Variants in KCNT2 observed in about 807,000 individuals in gnomAD.
The protein encoded by KCNT2 is potassium sodium-activated channel subfamily T member 2, also known as potassium channel subfamily T member 2.
In KCNT2, 67 loss-of-function variants were observed where a neutral mutation model predicts 153.8. The ratio of observed to expected loss-of-function variants is 0.44; its 90% CI spans 0.36 to 0.53. The LOEUF (loss-of-function observed/expected upper bound fraction) is 0.53. Ranked by LOEUF, KCNT2 falls within the 20% of genes least tolerant of loss-of-function variation. KCNT2 has a pLI of 0.00. For synonymous variants in KCNT2, 500 were observed against 458.8 expected, an observed-to-expected ratio of 1.09 and a Z score of -1.15; for missense variants, 975 against 1,354.8, an observed-to-expected ratio of 0.72 and a Z score of 4.40.
chr1:196,595,227 G>C (rs1663899122), intron 1 of KCNT2, among the ~76,000 whole-genome samples: 1 of 151,936 alleles, frequency 6.6e-6, no homozygotes, highest in Non-Finnish European at 1.5e-5. Context: ...TTTTGAAATG[G>C]AGAATTGAAA....
rs111748335 is a variant in KCNT2 at position 196,585,027 on chromosome 1, A to C, written c.95+23188T>G. Among the ~76,000 whole-genome samples the C allele has an allele frequency of 1.5e-3, 234 of 152,232 alleles. 2 individuals are homozygous for C. Among genetic ancestry groups the C allele is most frequent in the African/African-American group, 5.4e-3 (226 of 41,548 alleles). On this transcript the variant is annotated intron_variant, in intron 1 of 27. Transcript: ENST00000294725. ...AGAACAAGGACCATTCACAGGCAGA[A>C]GAGGCTTATCATTCAGTATTTGCCA...
chr1:196,322,472 G>C (rs1166657622), intron 19 of KCNT2, among the ~76,000 whole-genome samples: 1 of 151,702 alleles, frequency 6.6e-6, no homozygotes, highest in East Asian at 1.9e-4. Flanking sequence ...AACACAAAAA[G>C]TAACTGATGT....
chr1:196,443,405 C>A (rs1049265795), intron 8 of KCNT2, among the ~76,000 whole-genome samples: 3 of 151,540 alleles, frequency 2.0e-5, no homozygotes, highest in Non-Finnish European at 3.0e-5. Flanking sequence ...TTGCCCTCCA[C>A]AGCCTTGCAG....
intron 13 of KCNT2, among the ~76,000 whole-genome samples, chr1:196,395,219 G>A (rs1670829817): frequency 6.6e-6 from 1 of 151,272 alleles, no homozygotes; most frequent in East Asian, 2.0e-4. Flanking sequence ...GACTCTAAAT[G>A]TTATTTCCAA....
chr1:196,257,463 C>A (rs552642611), intron 26 of KCNT2: 1 of 977,098 alleles, frequency 1.0e-6, no homozygotes, highest in Non-Finnish European at 1.2e-6. Flanking sequence ...TACCATGTTA[C>A]ATATTTATAT....
intron 26 of KCNT2, among the ~76,000 whole-genome samples, chr1:196,248,132 T>C (rs1655618319): frequency 6.6e-6 from 1 of 151,904 alleles, no homozygotes; most frequent in Non-Finnish European, 1.5e-5. Context: ...CAAAAATCTA[T>C]GGGGTACAAT....
At chr1:196,335,424 A>G (rs1005849550) in intron 16 of KCNT2, among the ~76,000 whole-genome samples, 1 of 152,144 alleles carries the variant, frequency 6.6e-6, no homozygotes, top group African/African-American at 2.4e-5. Flanking sequence ...GCTATATGGT[A>G]TAGCCTACTG....
intron 14 of KCNT2, among the ~76,000 whole-genome samples, chr1:196,345,505 T>C (rs977985484): frequency 6.6e-6 from 1 of 152,136 alleles, no homozygotes; most frequent in African/African-American, 2.4e-5. Context: ...GGAGGGATCA[T>C]GTAGGACTTT....
intron 13 of KCNT2, among the ~76,000 whole-genome samples, chr1:196,385,425 C>T (rs1669883460): frequency 6.6e-6 from 1 of 152,034 alleles, no homozygotes; most frequent in Admixed American, 6.6e-5. Flanking sequence ...ACGGAACCAC[C>T]ACTGTGTATG....
intron 8 of KCNT2, among the ~76,000 whole-genome samples, chr1:196,457,747 C>T (rs1000008455): frequency 7.2e-5 from 11 of 151,950 alleles, no homozygotes; most frequent in African/African-American, 2.4e-4. Context: ...GTCAAGGCTT[C>T]TTACCTATCT....
intron 1 of KCNT2, among the ~76,000 whole-genome samples, chr1:196,558,109 A>G (rs1658916622): frequency 6.6e-6 from 1 of 151,420 alleles, no homozygotes; most frequent in Non-Finnish European, 1.5e-5. Context: ...TTGTAAGCCG[A>G]TATTAAGATA....
At chr1:196,434,304 A>C (rs958602352) in intron 8 of KCNT2, among the ~76,000 whole-genome samples, 2 of 152,088 alleles carry the variant, frequency 1.3e-5, no homozygotes, top group African/African-American at 2.4e-5. Flanking sequence ...AAGATAACAT[A>C]TATTTTTAAT....
At chr1:196,531,094 A>G (rs1475606058) in intron 1 of KCNT2, among the ~76,000 whole-genome samples, 1 of 152,108 alleles carries the variant, frequency 6.6e-6, no homozygotes, top group Non-Finnish European at 1.5e-5. Context: ...GTCCTCTAAT[A>G]TTCTCATAAC....
rs563348075 is a variant in KCNT2, at chr1:196,351,205, A to G, written c.1404-8977T>C. Among the ~76,000 whole-genome samples the G allele has an allele frequency of 7.9e-5, 12 of 152,246 alleles. No homozygotes were observed. In the East Asian group the frequency reaches 2.1e-3, roughly 27 times the overall value. On this transcript the variant is annotated intron_variant, in intron 14 of 27. Transcript: ENST00000294725. ...GATGCGGGCTTTTTTTTGGTGCCATATGAACTTTAAAGTAGTTTTTTCCAA... is the reference window on the plus strand; with the variant it reads ...GATGCGGGCTTTTTTTTGGTGCCATGTGAACTTTAAAGTAGTTTTTTCCAA...
chr1:196,386,463 G>C (rs780886355), intron 13 of KCNT2, among the ~76,000 whole-genome samples: 1 of 152,092 alleles, frequency 6.6e-6, no homozygotes, highest in Non-Finnish European at 1.5e-5. Context: ...TGCACAGGAA[G>C]CACTACATGT....
intron 5 of KCNT2, among the ~76,000 whole-genome samples, chr1:196,470,327 T>C (rs926130053): frequency 2.0e-5 from 3 of 152,158 alleles, no homozygotes; most frequent in African/African-American, 7.2e-5. Flanking sequence ...AAAAAAAGGA[T>C]GACTGGATAA....
chr1:196,352,739 T>C (rs1040158723), intron 14 of KCNT2, among the ~76,000 whole-genome samples: 2 of 152,262 alleles, frequency 1.3e-5, no homozygotes. Context: ...ATTTCTTGCC[T>C]TCTGCTAGCT....
intron 1 of KCNT2, among the ~76,000 whole-genome samples, chr1:196,505,659 A>G (rs1218452343): frequency 1.3e-5 from 2 of 152,072 alleles, no homozygotes; most frequent in Admixed American, 6.6e-5. Context: ...CATTGAATCT[A>G]TAAATTACCT....
intron 22 of KCNT2, among the ~76,000 whole-genome samples, chr1:196,296,687 A>G (rs537862943): frequency 1.3e-5 from 2 of 152,222 alleles, no homozygotes; most frequent in South Asian, 4.1e-4. Flanking sequence ...ATAAGTGTCC[A>G]TTTTCCCAAT....
Sources: gnomAD v4.1 joint callset for allele counts (sites outside exome capture counted in the v4.1 genomes callset) on GRCh38, gnomAD v4.1.1 for gene constraint, MANE v1.5 for transcripts, NCBI Gene and HGNC (gene_info 2026-07-23, HGNC 2026-07-21) for gene names.